RPRD1A: variants seen among roughly 807,000 people sequenced by gnomAD.
RPRD1A encodes regulation of nuclear pre-mRNA domain containing 1A.
In RPRD1A, 9 loss-of-function variants were observed where a neutral mutation model predicts 37.8. That is an observed-to-expected ratio of 0.24 (90% CI 0.14 to 0.42). The LOEUF is 0.42. Ranked by LOEUF, RPRD1A falls within the 10% of genes least tolerant of loss-of-function variation. The pLI is 1.00. For synonymous variants in RPRD1A, 138 were observed against 139.7 expected (o/e 0.99, Z 0.08); for missense variants, 255 against 371.0 (o/e 0.69, Z 2.57).
At chr18:36,005,097 C>T (rs1033636644) in intron 6 of RPRD1A, among the ~76,000 whole-genome samples, 2 of 152,142 alleles carry the variant, frequency 1.3e-5, no homozygotes, top group South Asian at 2.1e-4. Flanking sequence ...GTCAGGAGAT[C>T]GAGACCATTG....
intron 1 of RPRD1A, among the ~76,000 whole-genome samples, chr18:36,047,180 C>T (rs1913019697): frequency 6.6e-6 from 1 of 151,716 alleles, no homozygotes; most frequent in Non-Finnish European, 1.5e-5. Flanking sequence ...CATACTCCAG[C>T]CTGGGCAACA....
intron 1 of RPRD1A, among the ~76,000 whole-genome samples, chr18:36,045,454 CAT>C (rs1020451029): frequency 6.6e-6 from 1 of 152,148 alleles, no homozygotes; most frequent in African/African-American, 2.4e-5. Context: ...TCACTGCTTA[CAT>C]AGTTTCTGTC....
intron 4 of RPRD1A, among the ~76,000 whole-genome samples, chr18:36,030,057 T>C (rs1333742403): frequency 4.0e-5 from 6 of 151,602 alleles, no homozygotes; most frequent in African/African-American, 1.2e-4. Context: ...CCGACCACCT[T>C]GGCCTCCCAA....
In RPRD1A at chr18:36,045,992, T is replaced by C. The variant is rs187926572; in HGVS notation, c.152-12155A>G. On this transcript the variant is annotated intron_variant, in intron 1 of 6. Transcript: ENST00000399022. ...ACATTTTTGAGGAAATCTGGGCTACTGAACATGGACTGGGCTTCAGATAAC... is the reference window on the plus strand; with the variant it reads ...ACATTTTTGAGGAAATCTGGGCTACCGAACATGGACTGGGCTTCAGATAAC... Among the ~76,000 whole-genome samples, 112 of 152,370 alleles carry C rather than the reference T, an allele frequency of 7.4e-4. 1 individual carries two copies. The highest frequency in any genetic ancestry group is 2.5e-3 in the African/African-American group (106 of 41,594).
chr18:36,032,581 A>G (rs185028271), intron 2 of RPRD1A, among the ~76,000 whole-genome samples: 1 of 152,368 alleles, frequency 6.6e-6, no homozygotes, highest in African/African-American at 2.4e-5. Context: ...AGTTTTCTAA[A>G]GAAATTAAAC....
At chr18:36,061,723 G>A (rs897386683) in intron 1 of RPRD1A, among the ~76,000 whole-genome samples, 2 of 152,210 alleles carry the variant, frequency 1.3e-5, no homozygotes, top group African/African-American at 4.8e-5. Context: ...CTGAATGGAA[G>A]AAAATATTTG....
At chr18:36,001,534 T>G (rs1373910240) in intron 6 of RPRD1A, among the ~76,000 whole-genome samples, 2 of 152,148 alleles carry the variant, frequency 1.3e-5, no homozygotes, top group Non-Finnish European at 2.9e-5. Flanking sequence ...GTTTCCCAAA[T>G]TGGGTGTTCC....
chr18:36,003,480 G>A (rs1308509811), intron 6 of RPRD1A, among the ~76,000 whole-genome samples: 1 of 152,196 alleles, frequency 6.6e-6, no homozygotes, highest in Non-Finnish European at 1.5e-5. Flanking sequence ...TAAATGCAGT[G>A]TTTCACAGTG....
rs543836615 is a variant in RPRD1A, at chr18:36,048,653, A to G, written c.152-14816T>C. 9.9e-5 allele frequency among the ~76,000 whole-genome samples: 15 copies of G among 152,110 alleles called. No individual in the cohort carries two copies. The East Asian group carries it at 1.9e-3, about 20-fold the overall frequency. ...TTGATAAAAAGCACCTAAAAAAAAA[A>G]AAGAAAAAAAAAACCTACAGCTAAC... On this transcript the variant is annotated intron_variant, in intron 1 of 6. Transcript: ENST00000399022.
intron 6 of RPRD1A, among the ~76,000 whole-genome samples, chr18:35,999,822 T>C (rs1048675100): frequency 9.9e-5 from 15 of 152,214 alleles, no homozygotes; most frequent in Non-Finnish European, 1.9e-4. Context: ...TTTTCTCTGG[T>C]GACCTCATTT....
intron 6 of RPRD1A, 61 bp downstream of exon 6, chr18:36,026,839 A>C: frequency 6.8e-7 from 1 of 1,475,546 alleles, no homozygotes; most frequent in Non-Finnish European, 9.2e-7. Context: ...AAAATATTTT[A>C]AAATTCCTAA....
intron 6 of RPRD1A, among the ~76,000 whole-genome samples, chr18:35,996,527 T>C (rs1305454781): frequency 6.6e-6 from 1 of 152,220 alleles, no homozygotes; most frequent in Non-Finnish European, 1.5e-5. Flanking sequence ...TGTAACATAA[T>C]TGATTTTGAT....
At chr18:35,998,641 T>C (rs934718930) in intron 6 of RPRD1A, among the ~76,000 whole-genome samples, 1 of 152,144 alleles carries the variant, frequency 6.6e-6, no homozygotes, top group Non-Finnish European at 1.5e-5. Flanking sequence ...ATACCAAGGC[T>C]CAATTCCACT....
intron 6 of RPRD1A, among the ~76,000 whole-genome samples, chr18:35,995,400 G>T (rs1379532694): frequency 6.6e-6 from 1 of 151,290 alleles, no homozygotes; most frequent in African/African-American, 2.4e-5. Flanking sequence ...AGTTTAGCTG[G>T]GATTACAGGC....
At chr18:36,045,285 A>T (rs1341815164) in intron 1 of RPRD1A, among the ~76,000 whole-genome samples, 1 of 152,108 alleles carries the variant, frequency 6.6e-6, no homozygotes, top group Non-Finnish European at 1.5e-5. Flanking sequence ...AAAAAAAACT[A>T]ACTCAATTGA....
At chr18:36,018,079 T>C (rs571629089) in intron 6 of RPRD1A, among the ~76,000 whole-genome samples, 1 of 152,318 alleles carries the variant, frequency 6.6e-6, no homozygotes, top group South Asian at 2.1e-4. Context: ...ACTGCATGCC[T>C]TGAACACACA....
intron 1 of RPRD1A, among the ~76,000 whole-genome samples, chr18:36,052,276 AC>A (rs1913453148): frequency 6.6e-6 from 1 of 151,986 alleles, no homozygotes; most frequent in Non-Finnish European, 1.5e-5. Flanking sequence ...TTACTAGTAA[AC>A]CTGACCTACA....
At chr18:36,016,552 C>T (rs983380906) in intron 6 of RPRD1A, among the ~76,000 whole-genome samples, 1 of 152,104 alleles carries the variant, frequency 6.6e-6, no homozygotes, top group Non-Finnish European at 1.5e-5. Context: ...CTAACTCAAG[C>T]ATGAAAACCA....
intron 1 of RPRD1A, among the ~76,000 whole-genome samples, chr18:36,064,837 G>A (rs577302248): frequency 1.0e-3 from 153 of 152,174 alleles, no homozygotes; most frequent in African/African-American, 2.9e-3. Context: ...GGTCCCTGCC[G>A]CCTTTATGAG....
Sources: gnomAD v4.1 joint callset for allele counts (sites outside exome capture counted in the v4.1 genomes callset) on GRCh38, gnomAD v4.1.1 for gene constraint, MANE v1.5 for transcripts, NCBI Gene and HGNC (gene_info 2026-07-23, HGNC 2026-07-21) for gene names.